CDH18: variants seen among roughly 807,000 people sequenced by gnomAD.
CDH18 encodes cadherin-18.
Under a neutral mutation model 67.9 loss-of-function variants are expected in CDH18, and 31 were observed. The ratio of observed to expected loss-of-function variants is 0.46; its 90% CI spans 0.34 to 0.62. The LOEUF is 0.62. Ranked by LOEUF, CDH18 falls within the 20% of genes least tolerant of loss-of-function variation. The probability of loss-of-function intolerance (pLI) is 0.01; values close to 1 mark genes in which losing one functional copy is unlikely to be tolerated. For missense variants in CDH18, 890 were observed against 975.5 expected (o/e 0.91, Z 1.17); for synonymous variants, 362 against 347.2 (o/e 1.04, Z -0.48).
rs114912680 is a variant in CDH18, at chr5:20,117,897, G to T, written c.-517-125883C>A. On this transcript the variant is annotated intron_variant, in intron 2 of 14. Coordinates refer to the CDH18 transcript ENST00000507958. ...AGCTGAAGCAACACCTTTTTTTCCT[G>T]CTAGTTTTGAATTTTAATTTGTTAT... 2.5e-3 allele frequency among the ~76,000 whole-genome samples: 387 copies of T among 151,980 alleles called. 2 individuals are homozygous for T. The highest frequency in any genetic ancestry group is 9.1e-3 in the African/African-American group (376 of 41,468).
At chr5:20,339,047 C>T (rs1037201645) in intron 1 of CDH18, among the ~76,000 whole-genome samples, 6 of 152,164 alleles carry the variant, frequency 3.9e-5, no homozygotes, top group African/African-American at 1.4e-4. Flanking sequence ...CCTATTCTCT[C>T]TCTCTCCACC....
At chr5:20,513,198 A>G (rs748265429) in intron 1 of CDH18, among the ~76,000 whole-genome samples, 2 of 152,186 alleles carry the variant, frequency 1.3e-5, no homozygotes, top group Non-Finnish European at 2.9e-5. Context: ...AGAATCTGAG[A>G]TTCCACAGTG....
intron 2 of CDH18, among the ~76,000 whole-genome samples, chr5:20,234,327 T>C (rs1742313053): frequency 6.6e-6 from 1 of 152,170 alleles, no homozygotes; most frequent in Admixed American, 6.6e-5. Context: ...CATAGTCTAT[T>C]CCTAATCATC....
At chr5:20,089,816 T>C (rs1745272395) in intron 2 of CDH18, among the ~76,000 whole-genome samples, 2 of 152,292 alleles carry the variant, frequency 1.3e-5, no homozygotes. Context: ...ATACTTTGTG[T>C]TATTTTTATT....
chr5:20,558,753 A>G (rs557976697), intron 1 of CDH18, among the ~76,000 whole-genome samples: 10 of 152,168 alleles, frequency 6.6e-5, no homozygotes, highest in African/African-American at 2.2e-4. Flanking sequence ...ATATAGAGGT[A>G]AAGTTTAGGT....
chr5:19,896,739 A>G (rs139002184), intron 2 of CDH18, among the ~76,000 whole-genome samples: 9 of 152,366 alleles, frequency 5.9e-5, no homozygotes, highest in African/African-American at 1.7e-4. Flanking sequence ...ACACAAATAA[A>G]TACATATGCA....
intron 3 of CDH18, among the ~76,000 whole-genome samples, chr5:19,776,980 A>G (rs964271001): frequency 4.6e-5 from 7 of 152,182 alleles, no homozygotes; most frequent in African/African-American, 9.7e-5. Context: ...ATGTTTTTAT[A>G]CAAGTGTTGA....
At chr5:19,914,046 G>A (rs1791473792) in intron 2 of CDH18, among the ~76,000 whole-genome samples, 1 of 152,032 alleles carries the variant, frequency 6.6e-6, no homozygotes, top group Non-Finnish European at 1.5e-5. Flanking sequence ...CTTGTATTGA[G>A]GTTATTTAGC....
At chr5:20,053,733 A>T (rs1427729652) in intron 2 of CDH18, among the ~76,000 whole-genome samples, 1 of 152,086 alleles carries the variant, frequency 6.6e-6, no homozygotes, top group African/African-American at 2.4e-5. Context: ...GTCAAAATGA[A>T]TATTTTGGTT....
At chr5:20,176,457 T>C (rs1309629902) in intron 2 of CDH18, among the ~76,000 whole-genome samples, 1 of 152,192 alleles carries the variant, frequency 6.6e-6, no homozygotes, top group Non-Finnish European at 1.5e-5. Flanking sequence ...AATGACTGCA[T>C]AGTTAAAAGA....
At chr5:19,501,579 C>T (rs969003182) in intron 11 of CDH18, among the ~76,000 whole-genome samples, 1 of 150,260 alleles carries the variant, frequency 6.7e-6, no homozygotes, top group Non-Finnish European at 1.5e-5. Flanking sequence ...TTCTAAAATA[C>T]ATTCAGAGTT....
intron 1 of CDH18, among the ~76,000 whole-genome samples, chr5:20,455,667 A>G (rs1302013476): frequency 6.6e-6 from 1 of 152,074 alleles, no homozygotes; most frequent in African/African-American, 2.4e-5. Flanking sequence ...AACAAATTTT[A>G]TTTTAGTTTT....
At chr5:20,419,763 C>T (rs1436961223) in intron 1 of CDH18, among the ~76,000 whole-genome samples, 1 of 150,828 alleles carries the variant, frequency 6.6e-6, no homozygotes, top group African/African-American at 2.5e-5. Context: ...AGGCGTGAGC[C>T]GCCGCGCCTG....
chr5:19,821,006 G>A (rs1030618144), intron 3 of CDH18, among the ~76,000 whole-genome samples: 4 of 152,182 alleles, frequency 2.6e-5, no homozygotes, highest in African/African-American at 9.7e-5. Flanking sequence ...CATCTCAGAT[G>A]AGAAGACATT....
chr5:20,053,979 C>T (rs959555595), intron 2 of CDH18, among the ~76,000 whole-genome samples: 2 of 152,078 alleles, frequency 1.3e-5, no homozygotes, highest in African/African-American at 4.8e-5. Flanking sequence ...CTTTCTCTGT[C>T]CAATCCTACT....
chr5:20,273,648 A>G (rs1580638235), intron 1 of CDH18, among the ~76,000 whole-genome samples: 1 of 152,080 alleles, frequency 6.6e-6, no homozygotes, highest in East Asian at 1.9e-4. Context: ...ACTAAAAAAA[A>G]TACATATTTT....
chr5:20,116,383 G>A (rs1425904305), intron 2 of CDH18, among the ~76,000 whole-genome samples: 1 of 152,006 alleles, frequency 6.6e-6, no homozygotes, highest in Non-Finnish European at 1.5e-5. Flanking sequence ...CAGGCGTGGT[G>A]GTGGGCACCT....
intron 5 of CDH18, among the ~76,000 whole-genome samples, chr5:19,647,602 T>C (rs1002208716): frequency 1.9e-5 from 2 of 103,452 alleles, no homozygotes; most frequent in African/African-American, 7.0e-5. Context: ...AACAAGCACA[T>C]AGAGACATAG....
chr5:19,473,650 T>A lies in CDH18; in HGVS notation c.1949A>T (p.Asp650Val), dbSNP rs749805162. Residue 650 changes from aspartate (D) to valine (V), a missense_variant, in exon 13 of 13, where the codon GAT becomes GTT. Physicochemically the swap from Asp to Val is radical, Grantham distance 152 (BLOSUM62 -3). Coordinates refer to ENST00000382275, the MANE Select transcript of CDH18 (RefSeq NM_004934.5). ...ATAGGTGACCACGTTCTCCCGTACA[T>A]CCTCTTCTGAAATGATCAAGGGCTC... ...KKEPLIISEE[D>V]VRENVVTYDD... is the part of the protein sequence containing the mutation. The A allele has an allele frequency of 1.9e-6, 3 of 1,613,644 alleles. No individual in the cohort carries two copies. The highest frequency in any genetic ancestry group is 1.3e-5 in the African/African-American group (1 of 74,860).
Sources: allele counts gnomAD v4.1 joint callset (sites outside exome capture counted in the v4.1 genomes callset), GRCh38; gene constraint gnomAD v4.1.1; transcripts MANE v1.5; gene names NCBI Gene and HGNC (gene_info 2026-07-23, HGNC 2026-07-21).